RANBP2: variants seen among roughly 807,000 people sequenced by gnomAD.
The protein encoded by RANBP2 is E3 SUMO-protein ligase RanBP2.
Under a neutral mutation model 303.6 loss-of-function variants are expected in RANBP2, and 57 were observed. The ratio of observed to expected loss-of-function variants is 0.19; its 90% CI spans 0.15 to 0.23. RANBP2 has a LOEUF of 0.23. RANBP2 is among the 10% of genes least tolerant of loss of function. The pLI, the probability that RANBP2 is intolerant of heterozygous loss-of-function variation, is 1.00. For missense variants in RANBP2, 3,138 were observed against 3,780.8 expected, an observed-to-expected ratio of 0.83 and a Z score of 4.46; for synonymous variants, 1,167 against 1,301.5, an observed-to-expected ratio of 0.90 and a Z score of 2.23.
At chr2:109,567,778 C>T in the RANBP2 span, 2 of 1,521,514 alleles carry the variant, frequency 1.3e-6, no homozygotes, top group South Asian at 1.3e-5. Context: ...TTTATTTTCA[C>T]ATGGAAAACA....
chr2:108,989,170 G>A, the RANBP2 span: 4 of 152,870 alleles, frequency 2.6e-5, no homozygotes, highest in South Asian at 6.2e-4. Context: ...TCCGTTTAAA[G>A]GGCTTCCCGG....
chr2:108,782,460 CA>C (rs1387369965), intron 27 of RANBP2, 59 bp downstream of exon 27: 9 of 1,613,270 alleles, frequency 5.6e-6, no homozygotes, highest in Non-Finnish European at 8.5e-7. Context: ...AAATCTATAA[CA>C]AACAAAACAA....
the RANBP2 span, among the ~76,000 whole-genome samples, chr2:109,163,201 G>A: frequency 2.4e-4 from 36 of 152,074 alleles, no homozygotes; most frequent in Non-Finnish European, 4.4e-4. Flanking sequence ...AGGAACTCGC[G>A]GGCAGCTTTG....
the RANBP2 span, among the ~76,000 whole-genome samples, chr2:109,387,274 G>A: frequency 1.1e-4 from 16 of 152,182 alleles, no homozygotes; most frequent in African/African-American, 3.9e-4. Flanking sequence ...TGCCTCACCT[G>A]TGCAACCTTT....
At chr2:109,418,937 C>G in the RANBP2 span, among the ~76,000 whole-genome samples, 2 of 152,108 alleles carry the variant, frequency 1.3e-5, no homozygotes, top group African/African-American at 4.8e-5. Flanking sequence ...CTCCCTCGGC[C>G]CCCCCACTGT....
chr2:108,907,424 T>C, the RANBP2 span, among the ~76,000 whole-genome samples: 4 of 152,086 alleles, frequency 2.6e-5, no homozygotes, highest in African/African-American at 9.7e-5. Flanking sequence ...GGCGGGTGGA[T>C]TGCCTGAACT....
chr2:108,846,711 T>C, the RANBP2 span: 1 of 1,569,284 alleles, frequency 6.4e-7, no homozygotes, highest in Non-Finnish European at 8.7e-7. Flanking sequence ...TGAATAAATA[T>C]ACTAAGATTG....
At chr2:109,604,161 C>CAAAA in the RANBP2 span, among the ~76,000 whole-genome samples, 17 of 58,674 alleles carry the variant, frequency 2.9e-4, no homozygotes, top group African/African-American at 8.6e-4. Context: ...GACTCTGCCT[C>CAAAA]AAAAAAAAAA....
chr2:108,807,390 T>A, the RANBP2 span, among the ~76,000 whole-genome samples: 2 of 152,210 alleles, frequency 1.3e-5, no homozygotes, highest in African/African-American at 4.8e-5. Context: ...TTATTTTTAA[T>A]TGACATAATT....
the RANBP2 span, among the ~76,000 whole-genome samples, chr2:108,979,467 T>TCTCACACACA: frequency 9.0e-3 from 1,318 of 147,204 alleles, 11 homozygotes; most frequent in Middle Eastern, 0.018. Context: ...TCTCTCTCTC[T>TCTCACACACA]CACACACACA....
At chr2:109,170,155 A>T in the RANBP2 span, among the ~76,000 whole-genome samples, 1 of 152,042 alleles carries the variant, frequency 6.6e-6, no homozygotes. Flanking sequence ...CATACCCCTA[A>T]TACCATCGTC....
the RANBP2 span, among the ~76,000 whole-genome samples, chr2:109,201,705 G>A: frequency 6.6e-5 from 10 of 152,344 alleles, 1 homozygote; most frequent in South Asian, 1.0e-3. Flanking sequence ...GAAACGCTGC[G>A]CCTTGCATGG....
At chr2:108,992,729 A>G in the RANBP2 span, among the ~76,000 whole-genome samples, 1 of 152,260 alleles carries the variant, frequency 6.6e-6, no homozygotes, top group Non-Finnish European at 1.5e-5. Context: ...TATTCAGAAT[A>G]AAATGATCAC....
chr2:109,066,504 A>G, the RANBP2 span, among the ~76,000 whole-genome samples: 1 of 152,142 alleles, frequency 6.6e-6, no homozygotes, highest in African/African-American at 2.4e-5. Context: ...CACCACACTC[A>G]GCAGTGTTGT....
chr2:108,890,247 T>G, the RANBP2 span, among the ~76,000 whole-genome samples: 2 of 148,446 alleles, frequency 1.3e-5, no homozygotes, highest in African/African-American at 5.0e-5. Context: ...TTTTTTTTTT[T>G]TTTTTTTTTT....
At chr2:108,978,212 T>C in the RANBP2 span, among the ~76,000 whole-genome samples, 1 of 152,186 alleles carries the variant, frequency 6.6e-6, no homozygotes, top group Non-Finnish European at 1.5e-5. Flanking sequence ...GCATATCTTT[T>C]AGGAACTCAT....
chr2:109,272,902 G>T, the RANBP2 span, among the ~76,000 whole-genome samples: 1 of 152,178 alleles, frequency 6.6e-6, no homozygotes, highest in Admixed American at 6.5e-5. Flanking sequence ...CCCTTGTCAT[G>T]CCAAGACAGT....
At chr2:109,026,844 T>C in the RANBP2 span, among the ~76,000 whole-genome samples, 2 of 152,058 alleles carry the variant, frequency 1.3e-5, no homozygotes, top group Admixed American at 1.3e-4. Context: ...AGGTGGTGGA[T>C]CACGAGGTCA....
chr2:108,772,362 T>TA, intron 21 of RANBP2, 127 bp from the exon 22 acceptor site: 1 of 689,738 alleles, frequency 1.4e-6, no homozygotes, highest in East Asian at 2.8e-5. Flanking sequence ...AAGAGAGGTA[T>TA]TAAAGATATA....
Sources: gnomAD v4.1 joint callset for allele counts (sites outside exome capture counted in the v4.1 genomes callset) on GRCh38, gnomAD v4.1.1 for gene constraint, MANE v1.5 for transcripts, NCBI Gene and HGNC (gene_info 2026-07-23, HGNC 2026-07-21) for gene names.